Variants in SLC5A4 observed in about 807,000 individuals in gnomAD.
SLC5A4 encodes probable glucose sensor protein SLC5A4.
A neutral mutation model predicts 70.3 loss-of-function variants in SLC5A4; 55 were observed. The ratio of observed to expected loss-of-function variants is 0.78; its 90% CI spans 0.63 to 0.98. The LOEUF is 0.98. Ranked by LOEUF, SLC5A4 falls within the 50% of genes least tolerant of loss-of-function variation. The pLI is 0.00. For missense variants in SLC5A4, 735 were observed against 839.2 expected (o/e 0.88, Z 1.53); for synonymous variants, 268 against 305.7 (o/e 0.88, Z 1.29).
chr22:32,262,250 T>G, the SLC5A4 span, among the ~76,000 whole-genome samples: 1 of 152,202 alleles, frequency 6.6e-6, no homozygotes, highest in East Asian at 1.9e-4. Context: ...GTCTTCACAC[T>G]GTTCTCCATA....
chr22:32,319,776 A>G, the SLC5A4 span, among the ~76,000 whole-genome samples: 3 of 152,180 alleles, frequency 2.0e-5, no homozygotes, highest in African/African-American at 7.2e-5. Context: ...CAAATGCATT[A>G]TCGCTGTCTA....
chr22:32,278,893 A>G, the SLC5A4 span, among the ~76,000 whole-genome samples: 2 of 152,370 alleles, frequency 1.3e-5, no homozygotes, highest in Middle Eastern at 6.8e-3. Context: ...AGAAGAAAAT[A>G]TTTATAATTT....
intron 5 of SLC5A4, among the ~76,000 whole-genome samples, chr22:32,241,821 G>A (rs572276501): frequency 6.9e-6 from 1 of 145,442 alleles, no homozygotes; most frequent in Non-Finnish European, 1.5e-5. Flanking sequence ...ATCTGTATGT[G>A]TGTGTGTATA....
At chr22:32,316,260 A>G in the SLC5A4 span, among the ~76,000 whole-genome samples, 296 of 149,046 alleles carry the variant, frequency 2.0e-3, 1 homozygote, top group Admixed American at 4.2e-3. Flanking sequence ...TTTTACCATA[A>G]TTTTAAAAAA....
intron 5 of SLC5A4, among the ~76,000 whole-genome samples, chr22:32,245,498 A>C (rs1485741224): frequency 6.6e-6 from 1 of 151,992 alleles, no homozygotes; most frequent in Non-Finnish European, 1.5e-5. Context: ...ATGCCTTCTC[A>C]TGCTCTTTTT....
the SLC5A4 span, among the ~76,000 whole-genome samples, chr22:32,308,910 T>A: frequency 6.6e-6 from 1 of 152,226 alleles, no homozygotes; most frequent in African/African-American, 2.4e-5. Context: ...ATGTTCCCAA[T>A]AACTTCATCC....
At chr22:32,315,744 C>CA in the SLC5A4 span, among the ~76,000 whole-genome samples, 1 of 145,348 alleles carries the variant, frequency 6.9e-6, no homozygotes, top group Non-Finnish European at 1.5e-5. Flanking sequence ...GAACTAAGAC[C>CA]AAATGCATCT....
At chr22:32,300,197 C>T in the SLC5A4 span, among the ~76,000 whole-genome samples, 1 of 152,138 alleles carries the variant, frequency 6.6e-6, no homozygotes, top group African/African-American at 2.4e-5. Context: ...TTTGAGCTTC[C>T]CAGCTGCTTT....
the SLC5A4 span, among the ~76,000 whole-genome samples, chr22:32,285,897 C>A: frequency 6.6e-6 from 1 of 151,874 alleles, no homozygotes; most frequent in African/African-American, 2.4e-5. Flanking sequence ...CTACCACGCC[C>A]GGCTTATTTT....
intron 10 of SLC5A4, among the ~76,000 whole-genome samples, chr22:32,230,334 C>G (rs1235023160): frequency 6.6e-6 from 1 of 152,142 alleles, no homozygotes; most frequent in African/African-American, 2.4e-5. Context: ...TTTCTGTTCA[C>G]CACAGCAATG....
At chr22:32,237,096 G>A (rs955941813) in intron 7 of SLC5A4, 148 bp downstream of exon 7, 2 of 656,708 alleles carry the variant, frequency 3.0e-6, no homozygotes, top group South Asian at 3.4e-5. Flanking sequence ...AAGTCAGGCA[G>A]ATATTTCAGT....
intron 13 of SLC5A4, among the ~76,000 whole-genome samples, chr22:32,222,077 T>A: frequency 6.6e-6 from 1 of 152,240 alleles, no homozygotes; most frequent in East Asian, 1.9e-4. Flanking sequence ...TTTTAAACCT[T>A]TATAATCTAT....
At chr22:32,226,115 A>G (rs1172670287) in intron 11 of SLC5A4, among the ~76,000 whole-genome samples, 1 of 152,284 alleles carries the variant, frequency 6.6e-6, no homozygotes, top group African/African-American at 2.4e-5. Context: ...CACTACATGT[A>G]GTATATCAAT....
the SLC5A4 span, among the ~76,000 whole-genome samples, chr22:32,338,216 G>A: frequency 6.6e-6 from 1 of 152,204 alleles, no homozygotes. Flanking sequence ...CCAAGGAACT[G>A]AAACGTGGGG....
the SLC5A4 span, among the ~76,000 whole-genome samples, chr22:32,281,563 T>A: frequency 6.6e-6 from 1 of 152,108 alleles, no homozygotes; most frequent in Non-Finnish European, 1.5e-5. Flanking sequence ...GGGTCTCACT[T>A]TGTTGCCCAG....
chr22:32,328,664 C>T, the SLC5A4 span, among the ~76,000 whole-genome samples: 2 of 152,142 alleles, frequency 1.3e-5, no homozygotes, highest in African/African-American at 4.8e-5. Context: ...CCTGAGAGAC[C>T]CCAAGCCAGG....
intron 6 of SLC5A4, 125 bp downstream of exon 6, chr22:32,238,858 TCA>T (rs1926214714): frequency 8.7e-6 from 6 of 691,064 alleles, no homozygotes; most frequent in South Asian, 6.8e-5. Context: ...TGCTTGACTC[TCA>T]TAGTGGAAAT....
At chr22:32,282,283 C>T in the SLC5A4 span, among the ~76,000 whole-genome samples, 1 of 152,268 alleles carries the variant, frequency 6.6e-6, no homozygotes, top group African/African-American at 2.4e-5. Context: ...GCAGTGACCC[C>T]CAACCCAAAA....
the SLC5A4 span, among the ~76,000 whole-genome samples, chr22:32,320,491 A>T: frequency 6.6e-6 from 1 of 152,190 alleles, no homozygotes; most frequent in South Asian, 2.1e-4. Flanking sequence ...CAAAAACAAC[A>T]GCTCCTGCAC....
Sources: allele counts gnomAD v4.1 joint callset (sites outside exome capture counted in the v4.1 genomes callset), GRCh38; gene constraint gnomAD v4.1.1; transcripts MANE v1.5; gene names NCBI Gene and HGNC (gene_info 2026-07-23, HGNC 2026-07-21).